The following ME1 variants were observed in gnomAD, a reference collection of about 807,000 sequenced individuals.
The protein encoded by ME1 is NADP-dependent malic enzyme.
ME1 carries 74 observed loss-of-function variants against 66.4 expected under a neutral mutation model. The ratio of observed to expected loss-of-function variants is 1.11; its 90% CI spans 0.92 to 1.35. ME1 has a LOEUF of 1.35. Ranked by LOEUF, ME1 falls within the 40% of genes most tolerant of loss-of-function variation. ME1 has a pLI of 0.00. For missense variants in ME1, 750 were observed against 694.1 expected (o/e 1.08, Z -0.90); for synonymous variants, 251 against 235.6 (o/e 1.07, Z -0.60).
At chr6:83,404,804 A>T (rs1318062234) in intron 2 of ME1, among the ~76,000 whole-genome samples, 3 of 152,202 alleles carry the variant, frequency 2.0e-5, no homozygotes, top group Non-Finnish European at 4.4e-5. Flanking sequence ...TTTATCAAAG[A>T]TCAGATGGTT....
At chr6:83,341,366 T>C (rs780593827) in intron 5 of ME1, among the ~76,000 whole-genome samples, 167 of 152,260 alleles carry the variant, frequency 1.1e-3, no homozygotes, top group Non-Finnish European at 2.0e-3. Context: ...GTACAATAGC[T>C]TTCAGTGAGT....
rs549000073 is a variant in ME1, at chr6:83,257,053, GC to G, written c.705-3316del. On this transcript the variant is annotated intron_variant, in intron 6 of 13. Coordinates refer to ENST00000369705, the MANE Select transcript of ME1 (RefSeq NM_002395.6). ...ACCGGGGCCTGTTTGGGGGTGTGGGGCTAGGGGAGGGATAACATTAGGAGAA... is the reference window on the plus strand; with the variant it reads ...ACCGGGGCCTGTTTGGGGGTGTGGGGTAGGGGAGGGATAACATTAGGAGAA... Among the ~76,000 whole-genome samples the G allele has an allele frequency of 5.9e-5, 9 of 151,934 alleles. No individual in the cohort carries two copies. In the South Asian group the frequency reaches 1.9e-3, roughly 32 times the overall value.
chr6:83,283,080 T>C (rs1376805296), intron 6 of ME1, among the ~76,000 whole-genome samples: 1 of 148,766 alleles, frequency 6.7e-6, no homozygotes, highest in Admixed American at 6.7e-5. Flanking sequence ...TACAAAAAAT[T>C]AGCCGGGCGT....
chr6:83,404,191 C>T (rs188800032), intron 2 of ME1, among the ~76,000 whole-genome samples: 7 of 152,114 alleles, frequency 4.6e-5, no homozygotes, highest in East Asian at 1.9e-4. Flanking sequence ...TTTTAATGAT[C>T]GCCATTCTAA....
chr6:83,346,889 T>G (rs1768697357), intron 4 of ME1, among the ~76,000 whole-genome samples: 2 of 152,238 alleles, frequency 1.3e-5, no homozygotes, highest in East Asian at 3.9e-4. Flanking sequence ...ACCTGAAAAT[T>G]TTCCACTAGA....
intron 1 of ME1, among the ~76,000 whole-genome samples, chr6:83,410,563 G>A (rs538462054): frequency 6.6e-6 from 1 of 152,164 alleles, no homozygotes; most frequent in Admixed American, 6.5e-5. Context: ...AGAAAGAAGA[G>A]AAAACTCAAT....
At chr6:83,310,007 A>G (rs902009521) in intron 6 of ME1, among the ~76,000 whole-genome samples, 2 of 152,174 alleles carry the variant, frequency 1.3e-5, no homozygotes, top group Non-Finnish European at 2.9e-5. Flanking sequence ...CAATTGATAA[A>G]TTTGTTGAAC....
At chr6:83,230,020 C>T (rs1562453169) in intron 9 of ME1, among the ~76,000 whole-genome samples, 1 of 151,802 alleles carries the variant, frequency 6.6e-6, no homozygotes, top group Non-Finnish European at 1.5e-5. Flanking sequence ...ATGGGGGTCT[C>T]GCTATATTGC....
intron 3 of ME1, among the ~76,000 whole-genome samples, chr6:83,391,310 CCCATA>C: frequency 6.6e-6 from 1 of 152,076 alleles, no homozygotes; most frequent in African/African-American, 2.4e-5. Flanking sequence ...TACTCCAGAG[CCCATA>C]CTTTCAATCA....
At chr6:83,294,475 G>A (rs542920231) in intron 6 of ME1, among the ~76,000 whole-genome samples, 8 of 152,050 alleles carry the variant, frequency 5.3e-5, no homozygotes, top group Admixed American at 2.6e-4. Flanking sequence ...TCCTCCTGGT[G>A]AGCCCTCGAT....
intron 1 of ME1, among the ~76,000 whole-genome samples, chr6:83,426,396 TGCAGCAAGGTAACAAACATATACAGAG>T (rs1263849469): frequency 6.6e-6 from 1 of 152,222 alleles, no homozygotes; most frequent in African/African-American, 2.4e-5. Flanking sequence ...TTGTTTCCAC[TGCAGCAAGGTAACAAACATATACAGAG>T]GTACCTGGCT....
At chr6:83,275,207 G>A (rs1767154372) in intron 6 of ME1, among the ~76,000 whole-genome samples, 1 of 151,734 alleles carries the variant, frequency 6.6e-6, no homozygotes, top group Non-Finnish European at 1.5e-5. Flanking sequence ...GGTGCCAGGC[G>A]CCAGTAATCC....
chr6:83,367,075 C>G (rs1769112961), intron 3 of ME1, among the ~76,000 whole-genome samples: 1 of 152,162 alleles, frequency 6.6e-6, no homozygotes, highest in African/African-American at 2.4e-5. Flanking sequence ...GTCATGAAAA[C>G]AACATTCACC....
chr6:83,359,774 T>G (rs1219131285), intron 3 of ME1, among the ~76,000 whole-genome samples: 1 of 152,140 alleles, frequency 6.6e-6, no homozygotes, highest in Non-Finnish European at 1.5e-5. Context: ...TTTGTGAGGG[T>G]AGCACCTACA....
At chr6:83,346,420 AG>A (rs1225818405) in intron 4 of ME1, 86 bp from the exon 5 acceptor site, 2 of 771,750 alleles carry the variant, frequency 2.6e-6, no homozygotes, top group Non-Finnish European at 1.9e-6. Context: ...AGTTACTACT[AG>A]TGAAATAGTA....
At chr6:83,325,415 A>G (rs1768269416) in intron 5 of ME1, among the ~76,000 whole-genome samples, 1 of 152,208 alleles carries the variant, frequency 6.6e-6, no homozygotes, top group African/African-American at 2.4e-5. Context: ...GGAAAAGAAG[A>G]AGTCAAATTG....
At chr6:83,426,424 G>A (rs555952376) in intron 1 of ME1, among the ~76,000 whole-genome samples, 1 of 152,274 alleles carries the variant, frequency 6.6e-6, no homozygotes, top group African/African-American at 2.4e-5. Flanking sequence ...ATATACAGAG[G>A]TACCTGGCTG....
chr6:83,271,614 G>C (rs1393642106), intron 6 of ME1, among the ~76,000 whole-genome samples: 1 of 152,064 alleles, frequency 6.6e-6, no homozygotes, highest in Non-Finnish European at 1.5e-5. Context: ...TGTGGGTTCT[G>C]TGGTATCCAG....
chr6:83,407,712 ATAAAC>A, intron 2 of ME1, 51 bp downstream of exon 2: 1 of 1,438,394 alleles, frequency 7.0e-7, no homozygotes, highest in Non-Finnish European at 9.2e-7. Context: ...CCAATAAAAA[ATAAAC>A]TAGACAACTG....
Sources: allele counts gnomAD v4.1 joint callset (sites outside exome capture counted in the v4.1 genomes callset), GRCh38; gene constraint gnomAD v4.1.1; transcripts MANE v1.5; gene names NCBI Gene and HGNC (gene_info 2026-07-23, HGNC 2026-07-21).